The following FA2H variants were observed in gnomAD, a reference collection of about 807,000 sequenced individuals.
FA2H encodes fatty acid alpha-hydroxylase.
FA2H carries 22 observed loss-of-function variants against 44.9 expected under a neutral mutation model. That is an observed-to-expected ratio of 0.49 (90% CI 0.35 to 0.70). FA2H has a LOEUF of 0.70. Among genes scored for constraint, FA2H ranks in the 30% least tolerant of loss-of-function variants. The pLI is 0.01. For missense variants in FA2H, 501 were observed against 504.9 expected, an observed-to-expected ratio of 0.99 and a Z score of 0.07; for synonymous variants, 243 against 213.2, an observed-to-expected ratio of 1.14 and a Z score of -1.22.
rs56341013 is a variant in FA2H, at chr16:74,720,180, C to CTTT, written c.614-1023_614-1021dup. Among the ~76,000 whole-genome samples the CTTT allele has an allele frequency of 8.5e-3, 402 of 47,252 alleles. 83 individuals are homozygous for CTTT. Among genetic ancestry groups the CTTT allele is most frequent in the African/African-American group, 0.019 (188 of 9,822 alleles). 31.0% of individuals were successfully genotyped at this position (47,252 alleles called of 152,430 possible). A position where few individuals can be genotyped will look rare whatever the true frequency, so the allele number is the denominator to read the frequency against. On this transcript the variant is annotated intron_variant, in intron 4 of 6. Coordinates refer to ENST00000219368, the MANE Select transcript of FA2H (RefSeq NM_024306.5). The stretch of plus-strand genomic sequence containing the variant: ...TTTGCTCCATATATTCATCCTCATC[C>CTTT]TTTTTTTTTTTTTTTTTTTTTTTTT...
At position 74,713,022 on chromosome 16, in the gene FA2H, G is replaced by A. The variant is rs537756842; in HGVS notation, c.*1168C>T. ...CAATTTAAGTTTTTATTTCACAACC[G>A]TAGTTTTGTATATTTATTCCAAAAT... On this transcript the variant is annotated 3_prime_UTR_variant, in exon 7 of 7. Transcript: ENST00000219368. 2 of 152,652 alleles carry A rather than the reference G, an allele frequency of 1.3e-5. No individual in the cohort carries two copies. Among genetic ancestry groups the A allele is most frequent in the South Asian group, 2.1e-4 (1 of 4,816 alleles). 9.5% of individuals were successfully genotyped at this position (152,652 alleles called of 1,614,324 possible).
intron 4 of FA2H, among the ~76,000 whole-genome samples, chr16:74,723,235 A>G (rs1175204332): frequency 6.6e-6 from 1 of 152,188 alleles, no homozygotes; most frequent in Admixed American, 6.6e-5. Flanking sequence ...TCCGGGAGCA[A>G]TAAGGTTGGA....
rs532806527 is a variant in FA2H, at chr16:74,725,649, G to A, written c.613+576C>T. On this transcript the variant is annotated intron_variant, in intron 4 of 6. Coordinates refer to ENST00000219368, the MANE Select transcript of FA2H (RefSeq NM_024306.5). ...ACAGGACCCTTCTTATGGGGCTGCT[G>A]GGAGGGGTAAATGAGGCGGTCCTGG... Among the ~76,000 whole-genome samples the A allele has an allele frequency of 5.9e-5, 9 of 152,330 alleles. No individual in the cohort carries two copies. In the East Asian group the frequency reaches 1.7e-3, roughly 29 times the overall value.
intron 2 of FA2H, among the ~76,000 whole-genome samples, chr16:74,733,836 G>A (rs1319334423): frequency 1.3e-5 from 2 of 152,180 alleles, no homozygotes; most frequent in Non-Finnish European, 2.9e-5. Context: ...TCCCCCGCCT[G>A]CCCCCGCTCA....
rs114682163 is a variant in FA2H, at chr16:74,719,217, C to T, written c.614-57G>A. The T allele has an allele frequency of 1.1e-3, 1,613 of 1,515,874 alleles. 12 individuals are homozygous for T. The African/African-American group carries it at 0.019, about 18-fold the overall frequency. The allele number at this position is 1,515,874 out of a possible 1,614,324, so 93.9% of individuals were successfully genotyped here. A position where few individuals can be genotyped will look rare whatever the true frequency, so the allele number is the denominator to read the frequency against. On this transcript the variant is annotated intron_variant, in intron 4 of 6. Transcript: ENST00000219368. ...CCGGTGCATAGCAGCCTGGTAGCTC[C>T]AGGTGTCCCTGCCTCACCATCCCCA...
Position 74,774,665 on chromosome 16 carries a change from C to G in FA2H, c.91G>C (p.Ala31Pro). The change falls in exon 1 of 7, where the codon GCC (alanine) becomes CCC (proline). Residue 31 changes from alanine (A) to proline (P), a missense_variant. Coordinates refer to ENST00000219368, the MANE Select transcript of FA2H (RefSeq NM_024306.5). ...AAGACWVRRG[A>P]RLYDLSSFVR... is the part of the protein sequence containing the mutation. ...AAGCTGGAGAGGTCGTAGAGGCGGG[C>G]CCCGCGGCGGACCCAGCACGCGCCG... The G allele has an allele frequency of 7.0e-7, 1 of 1,435,668 alleles. No individual in the cohort carries two copies. Among genetic ancestry groups the G allele is most frequent in the Non-Finnish European group, 9.1e-7 (1 of 1,097,684 alleles). 88.9% of individuals were successfully genotyped at this position (1,435,668 alleles called of 1,614,324 possible).
intron 2 of FA2H, among the ~76,000 whole-genome samples, chr16:74,734,656 A>G (rs1299005544): frequency 6.6e-6 from 1 of 152,186 alleles, no homozygotes; most frequent in African/African-American, 2.4e-5. Context: ...GTGCCCCGGT[A>G]GAAGGGGGCC....
chr16:74,755,141 G>T (rs1365865561), intron 1 of FA2H, among the ~76,000 whole-genome samples: 2 of 143,530 alleles, frequency 1.4e-5, no homozygotes, highest in Admixed American at 7.0e-5. Flanking sequence ...CTCTAGAAGT[G>T]TGAGAGAATA....
chr16:74,731,395 C>T (rs1962069316), intron 2 of FA2H, among the ~76,000 whole-genome samples: 1 of 151,620 alleles, frequency 6.6e-6, no homozygotes, highest in South Asian at 2.1e-4. Context: ...CTACCCGCTT[C>T]CACCTCCCAA....
At chr16:74,756,048 C>T (rs1410229516) in intron 1 of FA2H, among the ~76,000 whole-genome samples, 1 of 152,200 alleles carries the variant, frequency 6.6e-6, no homozygotes, top group East Asian at 1.9e-4. Context: ...ATGCGGAATA[C>T]ATGTCCAGTT....
At chr16:74,741,808 A>ATATATATATATATATATG (rs1491185782) in intron 1 of FA2H, among the ~76,000 whole-genome samples, 13 of 48,392 alleles carry the variant, frequency 2.7e-4, no homozygotes, top group African/African-American at 4.3e-4. Flanking sequence ...ATATATATAT[A>ATATATATATATATATATG]TGTGTGTGTG....
intron 1 of FA2H, among the ~76,000 whole-genome samples, chr16:74,749,428 G>T (rs772489301): frequency 4.1e-5 from 6 of 144,918 alleles, no homozygotes; most frequent in Non-Finnish European, 9.0e-5. Flanking sequence ...TGGTATTCAC[G>T]GGAGCAAGAG....
At chr16:74,755,141 G>A (rs1365865561) in intron 1 of FA2H, among the ~76,000 whole-genome samples, 2 of 143,530 alleles carry the variant, frequency 1.4e-5, no homozygotes, top group Non-Finnish European at 3.0e-5. Flanking sequence ...CTCTAGAAGT[G>A]TGAGAGAATA....
intron 3 of FA2H, among the ~76,000 whole-genome samples, chr16:74,726,898 ACT>A (rs1961969976): frequency 6.6e-6 from 1 of 152,098 alleles, no homozygotes; most frequent in South Asian, 2.1e-4. Context: ...AGGGCTACTG[ACT>A]CTATGCAACT....
At chr16:74,752,086 C>CAAGTTCTAATGGTTCCATGT (rs1962535892) in intron 1 of FA2H, among the ~76,000 whole-genome samples, 1 of 152,158 alleles carries the variant, frequency 6.6e-6, no homozygotes, top group Non-Finnish European at 1.5e-5. Flanking sequence ...AATGCATCAG[C>CAAGTTCTAATGGTTCCATGT]AAGTTCTAAT....
intron 1 of FA2H, among the ~76,000 whole-genome samples, chr16:74,758,249 T>G (rs901454434): frequency 6.6e-6 from 1 of 150,716 alleles, no homozygotes; most frequent in Non-Finnish European, 1.5e-5. Flanking sequence ...GCCTCCTGAG[T>G]AGCTGGGATT....
intron 1 of FA2H, among the ~76,000 whole-genome samples, chr16:74,771,048 G>A (rs1418490703): frequency 6.6e-6 from 1 of 152,122 alleles, no homozygotes; most frequent in East Asian, 1.9e-4. Flanking sequence ...GCATACTCAG[G>A]ATGGTGTTGC....
At chr16:74,764,207 C>G (rs1198240434) in intron 1 of FA2H, among the ~76,000 whole-genome samples, 1 of 152,132 alleles carries the variant, frequency 6.6e-6, no homozygotes, top group Non-Finnish European at 1.5e-5. Flanking sequence ...ACCCAGCAAT[C>G]CAGTTACTGG....
intron 5 of FA2H, among the ~76,000 whole-genome samples, chr16:74,717,944 G>A (rs1961743231): frequency 6.6e-6 from 1 of 152,214 alleles, no homozygotes; most frequent in South Asian, 2.1e-4. Flanking sequence ...GAGGCCAGGT[G>A]AGGCTGGAGG....
Sources: gnomAD v4.1 joint callset for allele counts (sites outside exome capture counted in the v4.1 genomes callset) on GRCh38, gnomAD v4.1.1 for gene constraint, MANE v1.5 for transcripts, NCBI Gene and HGNC (gene_info 2026-07-23, HGNC 2026-07-21) for gene names.